The following CC2D2A variants were observed in gnomAD, a reference collection of about 807,000 sequenced individuals.
CC2D2A encodes the protein coiled-coil and C2 domain containing 2A, also known as coiled-coil and C2 domain-containing protein 2A.
In CC2D2A, 155 loss-of-function variants were observed where a neutral mutation model predicts 212.9. That is an observed-to-expected ratio of 0.73 (90% CI 0.64 to 0.83). The LOEUF (loss-of-function observed/expected upper bound fraction) is 0.83. Among genes scored for constraint, CC2D2A ranks in the 40% least tolerant of loss-of-function variants. The probability of loss-of-function intolerance (pLI) is 0.00; values close to 1 mark genes in which losing one functional copy is unlikely to be tolerated. For missense variants in CC2D2A, 1,856 were observed against 1,956.2 expected, an observed-to-expected ratio of 0.95 and a Z score of 0.97; for synonymous variants, 667 against 686.5, an observed-to-expected ratio of 0.97 and a Z score of 0.44.
intron 11 of CC2D2A, 149 bp from the exon 12 acceptor site, chr4:15,527,298 C>T (rs1013502156): frequency 3.7e-6 from 2 of 543,072 alleles, no homozygotes; most frequent in African/African-American, 3.8e-5. Context: ...GCCTCTAAAA[C>T]CTGGAAATAA....
chr4:15,573,833 T>C (rs552229477), intron 28 of CC2D2A, among the ~76,000 whole-genome samples: 52 of 152,320 alleles, frequency 3.4e-4, no homozygotes, highest in African/African-American at 1.1e-3. Context: ...TTGTCTCTTT[T>C]TACTAATGAG....
chr4:15,524,250 A>G (rs1292731147), intron 11 of CC2D2A, among the ~76,000 whole-genome samples: 1 of 149,586 alleles, frequency 6.7e-6, no homozygotes. Flanking sequence ...TCTCTGCCTC[A>G]ACCTCCCGAG....
At chr4:15,576,720 G>A (rs1251263789) in intron 29 of CC2D2A, 1 of 152,662 alleles carries the variant, frequency 6.6e-6, no homozygotes, top group Non-Finnish European at 1.5e-5. Context: ...CAGGTGTTAT[G>A]TCCTAACGTA....
intron 15 of CC2D2A, 60 bp downstream of exon 15, chr4:15,537,136 C>T: frequency 6.6e-7 from 1 of 1,523,966 alleles, no homozygotes. Flanking sequence ...GGGAGGGCAG[C>T]CTCCAGTACA....
At chr4:15,486,411 C>A (rs1440819034) in intron 4 of CC2D2A, among the ~76,000 whole-genome samples, 1 of 151,852 alleles carries the variant, frequency 6.6e-6, no homozygotes, top group East Asian at 1.9e-4. Flanking sequence ...AGAAATTTAT[C>A]CATTTCTTCT....
intron 4 of CC2D2A, 63 bp downstream of exon 4, chr4:15,480,890 G>A: frequency 1.3e-6 from 2 of 1,552,498 alleles, no homozygotes; most frequent in African/African-American, 1.4e-5. Flanking sequence ...TCAGCACAGA[G>A]CAGTATAGGG....
Position 15,478,623 on chromosome 4 carries a change from ATAGAAGCCCAGGG to A in CC2D2A, c.40-98_40-86del, listed in dbSNP as rs1714398794. 5 of 807,814 alleles carry A rather than the reference ATAGAAGCCCAGGG, an allele frequency of 6.2e-6. No homozygotes were observed. The South Asian group carries it at 7.2e-5, about 12-fold the overall frequency. The allele number at this position is 807,814 out of a possible 1,614,324, so 50.0% of individuals were successfully genotyped here. A position where few individuals can be genotyped will look rare whatever the true frequency, so the allele number is the denominator to read the frequency against. On this transcript the variant is annotated intron_variant, in intron 2 of 36. Transcript: ENST00000424120. Reference sequence around the variant, plus strand: ...CCCAACTCACACTCAGCATTACTGGATAGAAGCCCAGGGTCAAGATGGGAGTTTTAATTTTAAT... The same window carrying A: ...CCCAACTCACACTCAGCATTACTGGATCAAGATGGGAGTTTTAATTTTAAT...
intron 36 of CC2D2A, among the ~76,000 whole-genome samples, chr4:15,600,903 CAAA>C (rs5856308): frequency 1.8e-4 from 17 of 93,012 alleles, no homozygotes; most frequent in Admixed American, 1.4e-3. Flanking sequence ...AGACCTGTCT[CAAA>C]AAAAAAAAAA....
At chr4:15,570,336 C>A in intron 27 of CC2D2A, 62 bp from the exon 28 acceptor site, 1 of 1,011,764 alleles carries the variant, frequency 9.9e-7, no homozygotes, top group Non-Finnish European at 1.5e-6. Flanking sequence ...TTCCTGCTGC[C>A]AGATTAATTA....
chr4:15,579,988 G>A lies in CC2D2A; in HGVS notation c.3792G>A (p.Glu1264=), dbSNP rs1720588132. The A allele has an allele frequency of 6.2e-7, 1 of 1,613,442 alleles. No individual in the cohort carries two copies. The highest frequency in any genetic ancestry group is 1.1e-5 in the South Asian group (1 of 91,060). The change falls in exon 30 of 37, where the codon GAG becomes GAA. Residue 1264 remains glutamate (E), a synonymous_variant. Coordinates refer to ENST00000424120, the MANE Select transcript of CC2D2A (RefSeq NM_001378615.1). The part of the protein sequence containing the change: ...IREKFESQED[E]KLLQATEKFQ... ...TGAAGTTTGAGTCTCAGGAAGATGA[G>A]AAATTACTTCAAGCAACTGAGAAGT... is the stretch of plus-strand genomic sequence containing the variant.
intron 17 of CC2D2A, chr4:15,543,892 C>T (rs1367396064): frequency 6.6e-6 from 1 of 152,220 alleles, no homozygotes; most frequent in Non-Finnish European, 1.5e-5. Context: ...CTATGTACAT[C>T]ATCACAACTG....
chr4:15,551,570 T>A (rs1366351831), intron 18 of CC2D2A, among the ~76,000 whole-genome samples: 1 of 152,218 alleles, frequency 6.6e-6, no homozygotes, highest in East Asian at 1.9e-4. Flanking sequence ...TTGGAACTAA[T>A]CCTTTCTGTT....
At chr4:15,587,452 G>A (rs1390240593) in intron 31 of CC2D2A, among the ~76,000 whole-genome samples, 1 of 152,168 alleles carries the variant, frequency 6.6e-6, no homozygotes, top group Non-Finnish European at 1.5e-5. Flanking sequence ...TGTAAAATAT[G>A]CAAATTGTTC....
intron 24 of CC2D2A, among the ~76,000 whole-genome samples, chr4:15,566,363 A>G (rs1719881232): frequency 6.6e-6 from 1 of 152,064 alleles, no homozygotes; most frequent in Admixed American, 6.6e-5. Flanking sequence ...GACAGTGGGG[A>G]GAACCTGGAC....
At chr4:15,472,613 G>A (rs1713905506) in intron 1 of CC2D2A, among the ~76,000 whole-genome samples, 1 of 148,452 alleles carries the variant, frequency 6.7e-6, no homozygotes, top group Non-Finnish European at 1.5e-5. Flanking sequence ...TTAACTTATA[G>A]AGAACTTTTT....
rs765820512 is a variant in CC2D2A, at chr4:15,555,101, C to T, written c.2516C>T (p.Ser839Phe). ...SALKKADAIS[S>F]IGTSGLTDMK... ...TTGAAGAAAGCAGATGCCATCTCAT[C>T]TATTGGCACATCAGGACTGACAGAC... Residue 839 changes from serine to phenylalanine, a missense_variant, in exon 20 of 37, where the codon TCT (serine) becomes TTT (phenylalanine). Physicochemically the swap from Ser to Phe is radical, Grantham distance 155. This residue lies in a region of CC2D2A where 1,512 missense variants were observed against 1,579.3 expected (regional missense o/e 0.96). Transcript: ENST00000424120. The T allele has an allele frequency of 1.3e-5, 21 of 1,613,188 alleles. No individual in the cohort carries two copies. The East Asian group carries it at 4.7e-4, about 36-fold the overall frequency.
intron 1 of CC2D2A, among the ~76,000 whole-genome samples, chr4:15,474,447 A>G (rs976944564): frequency 1.3e-5 from 2 of 152,182 alleles, no homozygotes; most frequent in Non-Finnish European, 2.9e-5. Context: ...AGGCTGGGAA[A>G]TGTAGTCAGG....
intron 4 of CC2D2A, among the ~76,000 whole-genome samples, chr4:15,482,755 G>C (rs549228082): frequency 6.1e-4 from 93 of 152,278 alleles, no homozygotes; most frequent in Non-Finnish European, 9.0e-4. Flanking sequence ...TTAAAATCAA[G>C]GGAAAGACTG....
chr4:15,483,410 C>G (rs1381620293), intron 4 of CC2D2A, among the ~76,000 whole-genome samples: 2 of 152,092 alleles, frequency 1.3e-5, no homozygotes, highest in African/African-American at 4.8e-5. Context: ...CGGAGAGGGT[C>G]AAGAGCAAGA....
Sources: gnomAD v4.1 joint callset for allele counts (sites outside exome capture counted in the v4.1 genomes callset) on GRCh38, gnomAD v4.1.1 for gene constraint, gnomAD v4.1.1 regional missense constraint, MANE v1.5 for transcripts, NCBI Gene and HGNC (gene_info 2026-07-23, HGNC 2026-07-21) for gene names.